Variants in PCTP observed in about 807,000 individuals in gnomAD.
The protein encoded by PCTP is phosphatidylcholine transfer protein.
PCTP carries 27 observed loss-of-function variants against 31.0 expected under a neutral mutation model. The ratio of observed to expected loss-of-function variants is 0.87; its 90% CI spans 0.64 to 1.20. The LOEUF is 1.20. Among genes scored for constraint, PCTP ranks in the 50% most tolerant of loss-of-function variants. PCTP has a pLI of 0.00. For missense variants in PCTP, 287 were observed against 268.2 expected, an observed-to-expected ratio of 1.07 and a Z score of -0.49; for synonymous variants, 108 against 101.2, an observed-to-expected ratio of 1.07 and a Z score of -0.40.
intron 1 of PCTP, among the ~76,000 whole-genome samples, chr17:55,760,896 C>A (rs1040521209): frequency 9.9e-5 from 15 of 152,170 alleles, no homozygotes; most frequent in African/African-American, 3.6e-4. Flanking sequence ...TGACTCTTGG[C>A]AAGTCACTCA....
downstream of PCTP, among the ~76,000 whole-genome samples, chr17:55,826,730 T>C (rs1323529025): frequency 6.6e-6 from 1 of 152,196 alleles, no homozygotes; most frequent in Admixed American, 6.5e-5. Flanking sequence ...ATGGAAACGA[T>C]GTAAGCCTGT....
In PCTP at chr17:55,818,016, A is replaced by G. The variant is rs538312442; in HGVS notation, c.318-4745A>G. 1.1e-3 allele frequency among the ~76,000 whole-genome samples: 175 copies of G among 152,316 alleles called. 1 individual carries two copies. Among genetic ancestry groups the G allele is most frequent in the Non-Finnish European group, 2.2e-3 (152 of 68,016 alleles). ...GAGGGAGTAAGACCTAAGTTTGGTGAGTACCATGATACAGGTATGTACAGG... is the reference window on the plus strand; with the variant it reads ...GAGGGAGTAAGACCTAAGTTTGGTGGGTACCATGATACAGGTATGTACAGG... On this transcript the variant is annotated intron_variant, in intron 3 of 3. Coordinates refer to the PCTP transcript ENST00000572536.
the PCTP span, among the ~76,000 whole-genome samples, chr17:55,852,267 C>T: frequency 6.6e-6 from 1 of 152,118 alleles, no homozygotes; most frequent in Non-Finnish European, 1.5e-5. Flanking sequence ...ATCCTTTCAG[C>T]ATAATTTCAT....
At chr17:55,792,967 A>G (rs1227779845) in intron 3 of PCTP, among the ~76,000 whole-genome samples, 3 of 152,078 alleles carry the variant, frequency 2.0e-5, no homozygotes, top group African/African-American at 7.2e-5. Flanking sequence ...GTTCCCCAAC[A>G]TATACTCCAG....
intron 3 of PCTP, among the ~76,000 whole-genome samples, chr17:55,797,403 T>G (rs1323405515): frequency 6.6e-6 from 1 of 151,948 alleles, no homozygotes; most frequent in Non-Finnish European, 1.5e-5. Context: ...AAAGCAGAGC[T>G]CATACATTCT....
rs533743627 is a variant in PCTP, at chr17:55,819,270, C to T, written c.318-3491C>T. Among the ~76,000 whole-genome samples the T allele has an allele frequency of 2.6e-5, 4 of 152,220 alleles. 1 individual carries two copies. In the South Asian group the frequency reaches 8.3e-4, roughly 32 times the overall value. On this transcript the variant is annotated intron_variant, in intron 3 of 3. Coordinates refer to the PCTP transcript ENST00000572536. Reference sequence around the variant, plus strand: ...AAGACCAAGGTGTCTGCTCTTAACACTCCTTTTCAAAATTGTGCTGGAGGC... The same window carrying T: ...AAGACCAAGGTGTCTGCTCTTAACATTCCTTTTCAAAATTGTGCTGGAGGC...
intron 5 of PCTP, among the ~76,000 whole-genome samples, chr17:55,832,766 A>G (rs1050982671): frequency 1.3e-5 from 2 of 152,202 alleles, no homozygotes; most frequent in African/African-American, 4.8e-5. Flanking sequence ...GGGCTAAAAC[A>G]ATTTTGCTGA....
At chr17:55,837,893 C>A (rs1905828581) in intron 5 of PCTP, among the ~76,000 whole-genome samples, 1 of 152,102 alleles carries the variant, frequency 6.6e-6, no homozygotes, top group Admixed American at 6.6e-5. Flanking sequence ...CCCAGCACTT[C>A]AGGAGGCCAT....
Position 55,751,130 on chromosome 17 carries a change from G to C in PCTP, c.27G>C (p.Ser9=), listed in dbSNP as rs1909669942. 5 of 1,544,088 alleles carry C rather than the reference G, an allele frequency of 3.2e-6. No homozygotes were observed. The highest frequency in any genetic ancestry group is 4.4e-6 in the Non-Finnish European group (5 of 1,144,724). The change falls in exon 1 of 6, where the codon TCG becomes TCC. Residue 9 remains serine, a synonymous_variant. Coordinates refer to ENST00000268896, the MANE Select transcript of PCTP (RefSeq NM_021213.4). ...TGGAGCTGGCCGCCGGAAGCTTCTC[G>C]GAGGAGCAGTTCTGGGAGGCCTGCG... MELAAGSF[S]EEQFWEACAE... is the part of the protein sequence containing the mutation.
At chr17:55,852,670 C>T in the PCTP span, among the ~76,000 whole-genome samples, 1 of 151,752 alleles carries the variant, frequency 6.6e-6, no homozygotes, top group African/African-American at 2.4e-5. Flanking sequence ...GAGAATTCAT[C>T]TAGGAGTGAA....
intron 3 of PCTP, among the ~76,000 whole-genome samples, chr17:55,790,379 C>G (rs145295894): frequency 6.6e-6 from 1 of 151,958 alleles, no homozygotes. Context: ...TGTTTGCAAA[C>G]GACATGATTG....
At chr17:55,831,305 G>T (rs770856227) in intron 5 of PCTP, among the ~76,000 whole-genome samples, 3 of 152,288 alleles carry the variant, frequency 2.0e-5, no homozygotes, top group Non-Finnish European at 4.4e-5. Context: ...TTGCTCTGTT[G>T]TTGCATAATT....
intron 5 of PCTP, among the ~76,000 whole-genome samples, chr17:55,838,133 C>A (rs1905837216): frequency 6.6e-6 from 1 of 151,602 alleles, no homozygotes; most frequent in South Asian, 2.1e-4. Flanking sequence ...AGAACAAGAC[C>A]CTGTCTCAAA....
At chr17:55,751,360 A>T (rs1334853345) in intron 1 of PCTP, 116 bp downstream of exon 1, 2 of 1,528,518 alleles carry the variant, frequency 1.3e-6, no homozygotes, top group African/African-American at 1.4e-5. Flanking sequence ...TCTCCGGCTC[A>T]GGAAGGAGCT....
intron 3 of PCTP, among the ~76,000 whole-genome samples, chr17:55,805,917 T>TGTGTGTGTGTGTGTGTGTGTGTGTG (rs1159147410): frequency 6.6e-6 from 1 of 151,626 alleles, no homozygotes; most frequent in Non-Finnish European, 1.5e-5. Flanking sequence ...TGTGTGTGTG[T>TGTGTGTGTGTGTGTGTGTGTGTGTG]TTGACTTTAG....
At chr17:55,763,013 T>C (rs542463993) in intron 1 of PCTP, among the ~76,000 whole-genome samples, 37 of 152,292 alleles carry the variant, frequency 2.4e-4, no homozygotes, top group Admixed American at 1.0e-3. Flanking sequence ...TAGAAAAGTA[T>C]CCATTATATT....
chr17:55,781,264 G>C (rs1190973672), downstream of PCTP, among the ~76,000 whole-genome samples: 1 of 152,120 alleles, frequency 6.6e-6, no homozygotes, highest in Non-Finnish European at 1.5e-5. Flanking sequence ...TCTGCCTCCC[G>C]TTCTCCTGCC....
chr17:55,764,374 A>T (rs1038161390), intron 1 of PCTP, among the ~76,000 whole-genome samples: 2 of 152,168 alleles, frequency 1.3e-5, no homozygotes, highest in African/African-American at 4.8e-5. Context: ...ATAAATCCTT[A>T]CTAAGTTCAA....
At chr17:55,807,158 T>C (rs951828792) in intron 3 of PCTP, among the ~76,000 whole-genome samples, 1 of 152,194 alleles carries the variant, frequency 6.6e-6, no homozygotes, top group African/African-American at 2.4e-5. Flanking sequence ...GAACTATTAA[T>C]GATAGTCTAG....
Sources: allele counts gnomAD v4.1 joint callset (sites outside exome capture counted in the v4.1 genomes callset), GRCh38; gene constraint gnomAD v4.1.1; transcripts MANE v1.5; gene names NCBI Gene and HGNC (gene_info 2026-07-23, HGNC 2026-07-21).